RAB11FIP3: variants seen among roughly 807,000 people sequenced by gnomAD.
RAB11FIP3 encodes the protein rab11 family-interacting protein 3.
A neutral mutation model predicts 77.8 loss-of-function variants in RAB11FIP3; 17 were observed. The ratio of observed to expected loss-of-function variants is 0.22; its 90% CI spans 0.15 to 0.33. RAB11FIP3 has a LOEUF of 0.33. Among genes scored for constraint, RAB11FIP3 ranks in the 10% least tolerant of loss-of-function variants. The pLI, the probability that RAB11FIP3 is intolerant of heterozygous loss-of-function variation, is 1.00. For synonymous variants in RAB11FIP3, 437 were observed against 448.2 expected (o/e 0.98, Z 0.31); for missense variants, 1,005 against 1,011.2 (o/e 0.99, Z 0.08).
rs1301173591 is a variant in RAB11FIP3, at chr16:520,958, G to A, written c.*119G>A. On this transcript the variant is annotated 3_prime_UTR_variant, in exon 14 of 14. Transcript: ENST00000262305. Reference sequence around the variant, plus strand: ...AGCCGACAGTGCCCAGAGCATGCAGGGAACCCTCGTGCAGCTGAGCTGGGG... The same window carrying A: ...AGCCGACAGTGCCCAGAGCATGCAGAGAACCCTCGTGCAGCTGAGCTGGGG... The A allele has an allele frequency of 8.4e-6, 7 of 835,198 alleles. No individual in the cohort carries two copies. The highest frequency in any genetic ancestry group is 1.4e-5 in the Non-Finnish European group (7 of 502,452). 51.7% of individuals were successfully genotyped at this position (835,198 alleles called of 1,614,324 possible).
At chr16:445,124 A>G (rs539645261) in intron 1 of RAB11FIP3, among the ~76,000 whole-genome samples, 1 of 138,086 alleles carries the variant, frequency 7.2e-6, no homozygotes, top group Non-Finnish European at 1.6e-5. Flanking sequence ...AAAAAAAAAA[A>G]AAAAAAAGAA....
chr16:520,660 C>G (rs2032644856), intron 13 of RAB11FIP3, 61 bp downstream of exon 13: 1 of 1,610,758 alleles, frequency 6.2e-7, no homozygotes, highest in African/African-American at 1.3e-5. Context: ...TGTCTGTGCG[C>G]TGTGGTTTAT....
chr16:495,778 T>G (rs2031070615), intron 5 of RAB11FIP3, among the ~76,000 whole-genome samples: 1 of 152,180 alleles, frequency 6.6e-6, no homozygotes, highest in African/African-American at 2.4e-5. Context: ...AGACAGAGTT[T>G]CACTCTTTGT....
In RAB11FIP3 at chr16:492,394, C is replaced by CCAGAGCCCT. The variant is rs2030459324; in HGVS notation, c.1265+3395_1265+3396insAGAGCCCTC. Among the ~76,000 whole-genome samples, 5 of 32,120 alleles carry CCAGAGCCCT rather than the reference C, an allele frequency of 1.6e-4. 1 individual carries two copies. Among genetic ancestry groups the CCAGAGCCCT allele is most frequent in the African/African-American group, 6.4e-4 (5 of 7,792 alleles). 21.1% of individuals were successfully genotyped at this position (32,120 alleles called of 152,430 possible). On this transcript the variant is annotated intron_variant, in intron 5 of 13. Transcript: ENST00000262305. Reference sequence around the variant, plus strand: ...GAGACCCGAGGCCGCCCAGAGCCCTCCCCGGGAGACCCGAGGCCGCCCAGG... The same window carrying CCAGAGCCCT: ...GAGACCCGAGGCCGCCCAGAGCCCTCCAGAGCCCTCCCGGGAGACCCGAGGCCGCCCAGG...
chr16:502,992 C>T lies in RAB11FIP3; in HGVS notation c.1302-12C>T. 1.3e-6 allele frequency: 2 copies of T among 1,594,004 alleles called. No individual in the cohort carries two copies. The highest frequency in any genetic ancestry group is 2.2e-5 in the East Asian group (1 of 44,758). ...TCCCTTTCTTCCCTCTGTTGTTGTG[C>T]CTTTTCTGTAGGTACCTGCACCAGT... On this transcript the variant is annotated splice_polypyrimidine_tract_variant and intron_variant, in intron 6 of 13. Coordinates refer to ENST00000262305, the MANE Select transcript of RAB11FIP3 (RefSeq NM_014700.4).
intron 3 of RAB11FIP3, among the ~76,000 whole-genome samples, chr16:479,228 C>T (rs1400816857): frequency 6.6e-6 from 1 of 151,894 alleles, no homozygotes; most frequent in Non-Finnish European, 1.5e-5. Flanking sequence ...CCCATCTCTA[C>T]AAAAAAATAC....
Position 506,779 on chromosome 16 carries a change from G to A in RAB11FIP3, c.1499+1152G>A, listed in dbSNP as rs1295200631. On this transcript the variant is annotated intron_variant, in intron 8 of 13. Coordinates refer to ENST00000262305, the MANE Select transcript of RAB11FIP3 (RefSeq NM_014700.4). The surrounding 1 kb of genome is among the most constrained non-coding windows in gnomAD (Gnocchi z 4.5). ...GTGGAGTGAAGACCCTGGGCTTGGCGGCTGCCCGTTCTCCAGGATTCTCAG... is the reference window on the plus strand; with the variant it reads ...GTGGAGTGAAGACCCTGGGCTTGGCAGCTGCCCGTTCTCCAGGATTCTCAG... Among the ~76,000 whole-genome samples the A allele has an allele frequency of 2.6e-5, 4 of 152,294 alleles. No individual in the cohort carries two copies. The highest frequency in any genetic ancestry group is 1.9e-4 in the East Asian group (1 of 5,180).
At chr16:437,507 T>G (rs2141852706) in intron 1 of RAB11FIP3, among the ~76,000 whole-genome samples, 1 of 147,326 alleles carries the variant, frequency 6.8e-6, no homozygotes, top group Non-Finnish European at 1.5e-5. Flanking sequence ...GAGGCGGAGG[T>G]TGCAGTGAGC....
chr16:442,855 C>G (rs1425503317), intron 1 of RAB11FIP3, among the ~76,000 whole-genome samples: 1 of 152,166 alleles, frequency 6.6e-6, no homozygotes, highest in East Asian at 1.9e-4. Context: ...GTTTCTTCCT[C>G]TCTTCTACCA....
At chr16:473,329 T>G (rs926700826) in intron 3 of RAB11FIP3, among the ~76,000 whole-genome samples, 2 of 152,212 alleles carry the variant, frequency 1.3e-5, no homozygotes, top group African/African-American at 4.8e-5. Flanking sequence ...TGGAAGAAAG[T>G]TTTTTGACTT....
At chr16:438,790 A>G (rs1440669830) in intron 1 of RAB11FIP3, among the ~76,000 whole-genome samples, 1 of 151,766 alleles carries the variant, frequency 6.6e-6, no homozygotes, top group Non-Finnish European at 1.5e-5. Context: ...CCCAGGTTCA[A>G]GTGATTCTCC....
chr16:481,368 A>T (rs114170329), intron 3 of RAB11FIP3, among the ~76,000 whole-genome samples: 1 of 151,946 alleles, frequency 6.6e-6, no homozygotes, highest in Non-Finnish European at 1.5e-5. Context: ...AAACTTAGCT[A>T]GGCATGATGG....
intron 1 of RAB11FIP3, among the ~76,000 whole-genome samples, chr16:437,501 C>T (rs1467812655): frequency 5.2e-5 from 7 of 134,970 alleles, no homozygotes; most frequent in Admixed American, 2.6e-4. Context: ...ACCTGGGAGG[C>T]GGAGGTTGCA....
rs186287431 is a variant in RAB11FIP3 at position 448,564 on chromosome 16, T to G, written c.715-12840T>G. ...ATCCTGGCTAACACGGTGAAACCCC[T>G]TCTCTAATAAAAATACAAAATATTA... On this transcript the variant is annotated intron_variant, in intron 1 of 13. Coordinates refer to ENST00000262305, the MANE Select transcript of RAB11FIP3 (RefSeq NM_014700.4). Among the ~76,000 whole-genome samples the G allele has an allele frequency of 4.7e-3, 707 of 151,636 alleles. 2 individuals are homozygous for G. The highest frequency in any genetic ancestry group is 0.016 in the African/African-American group (667 of 41,330).
At chr16:427,038 C>T (rs373192586) in intron 1 of RAB11FIP3, among the ~76,000 whole-genome samples, 5 of 152,076 alleles carry the variant, frequency 3.3e-5, no homozygotes, top group African/African-American at 1.2e-4. Flanking sequence ...CTGATCGCCA[C>T]CCCCCCAGGG....
At position 520,160 on chromosome 16, in the gene RAB11FIP3, G is replaced by C; in HGVS notation, c.1899G>C (p.Gln633His). Reference sequence around the variant, plus strand: ...TCCGAAAGCAGCTGGAGCACCTGCAGCTCCTCAAGCTGGAGGCCGAGCAGC... The same window carrying C: ...TCCGAAAGCAGCTGGAGCACCTGCACCTCCTCAAGCTGGAGGCCGAGCAGC... ...EDLRKQLEHL[Q>H]LLKLEAEQRR... The change falls in exon 12 of 14, where the codon CAG becomes CAC. Residue 633 changes from glutamine (Q) to histidine (H), a missense_variant. Physicochemically the swap from Gln to His is conservative, Grantham distance 24. Around this residue, in one of 4 missense-constraint regions of RAB11FIP3, gnomAD observed 433 missense variants for 436.1 expected, o/e 0.99. Transcript: ENST00000262305. The C allele has an allele frequency of 1.3e-6, 2 of 1,546,650 alleles. No individual in the cohort carries two copies. Among genetic ancestry groups the C allele is most frequent in the Non-Finnish European group, 1.7e-6 (2 of 1,148,024 alleles).
rs113230632 is a variant in RAB11FIP3 at position 507,399 on chromosome 16, C to T, written c.1499+1772C>T. ...ATGCTGGGATTACAGGCGTGAGCCA[C>T]CGTGCCCGGCCTAGTTTTTAATTTT... is the stretch of plus-strand genomic sequence containing the variant. On this transcript the variant is annotated intron_variant, in intron 8 of 13. Transcript: ENST00000262305. This position sits in a 1 kb window ranked among gnomAD's most constrained non-coding sequence, Gnocchi z 4.6. 0.035 allele frequency among the ~76,000 whole-genome samples: 5,364 copies of T among 152,290 alleles called. 106 individuals carry two copies. The highest frequency in any genetic ancestry group is 0.055 in the African/African-American group (2,283 of 41,558).
At chr16:490,724 G>A (rs2030099990) in intron 5 of RAB11FIP3, among the ~76,000 whole-genome samples, 1 of 152,230 alleles carries the variant, frequency 6.6e-6, no homozygotes, top group African/African-American at 2.4e-5. Flanking sequence ...ATATAGTACA[G>A]TAAGTACAAG....
intron 6 of RAB11FIP3, among the ~76,000 whole-genome samples, chr16:499,883 C>G (rs1329161323): frequency 6.6e-6 from 1 of 151,580 alleles, no homozygotes; most frequent in African/African-American, 2.4e-5. Context: ...GTGTGTCTAT[C>G]CACATGTAAA....
Sources: allele counts gnomAD v4.1 joint callset (sites outside exome capture counted in the v4.1 genomes callset), GRCh38; gene constraint gnomAD v4.1.1; regional missense constraint gnomAD v4.1.1; non-coding constraint Gnocchi (gnomAD v3.1); transcripts MANE v1.5; gene names NCBI Gene and HGNC (gene_info 2026-07-23, HGNC 2026-07-21).